The following GTF3C1 variants were observed in gnomAD, a reference collection of about 807,000 sequenced individuals.
GTF3C1 encodes the protein general transcription factor IIIC subunit 1.
A neutral mutation model predicts 226.7 loss-of-function variants in GTF3C1; 57 were observed. That is an observed-to-expected ratio of 0.25 (90% CI 0.20 to 0.31). The LOEUF is 0.31. Ranked by LOEUF, GTF3C1 falls within the 10% of genes least tolerant of loss-of-function variation. The probability of loss-of-function intolerance (pLI) is 1.00; values close to 1 mark genes in which losing one functional copy is unlikely to be tolerated. For missense variants in GTF3C1, 2,217 were observed against 2,776.1 expected (o/e 0.80, Z 4.53); for synonymous variants, 1,090 against 1,084.8 (o/e 1.00, Z -0.09).
At chr16:27,500,033 C>A (rs185759238) in intron 12 of GTF3C1, among the ~76,000 whole-genome samples, 2 of 152,326 alleles carry the variant, frequency 1.3e-5, no homozygotes, top group East Asian at 3.9e-4. Context: ...CCCATGCTTA[C>A]CCGCTGCCCC....
At chr16:27,464,066 GC>G (rs912992094) in intron 34 of GTF3C1, 9 of 440,862 alleles carry the variant, frequency 2.0e-5, no homozygotes, top group Non-Finnish European at 2.8e-5. Flanking sequence ...GCACACGCTG[GC>G]CCCACCGCCT....
chr16:27,465,324 C>T lies in GTF3C1; in HGVS notation c.5291G>A (p.Arg1764Lys), dbSNP rs549734764. 6.2e-7 allele frequency: 1 copy of T among 1,614,196 alleles called. No individual in the cohort carries two copies. The highest frequency in any genetic ancestry group is 1.7e-5 in the Admixed American group (1 of 60,026). ...TGCCTTCTCCAAGGCCGAGAACCGT[C>T]TGCGCAGCTCCTCCTTGTCAATCCC... ...CFGIDKEELR[R>K]RFSALEKAGG... is the part of the protein sequence containing the mutation. The change falls in exon 33 of 37, where the codon AGA becomes AAA. Residue 1764 changes from arginine (R) to lysine (K), a missense_variant. Transcript: ENST00000356183.
chr16:27,488,445 CAGGACGAGTGCTGCAA>C (rs775025197), intron 22 of GTF3C1, 30 bp from the exon 23 acceptor site: 156 of 1,585,312 alleles, frequency 9.8e-5, no homozygotes, highest in Non-Finnish European at 6.6e-5. Flanking sequence ...ACAACAGTTT[CAGGACGAGTGCTGCAA>C]AGGCCAGGAA....
chr16:27,474,552 G>A (rs780984075), intron 29 of GTF3C1, among the ~76,000 whole-genome samples: 2 of 152,132 alleles, frequency 1.3e-5, no homozygotes, highest in African/African-American at 2.4e-5. Context: ...TTGGACTCCT[G>A]TGTGCAATGT....
chr16:27,469,804 C>G lies in GTF3C1; in HGVS notation c.4815-254G>C, dbSNP rs2087840000. ...CTGTTCCTTTTGCCCGTCTCTCAGC[C>G]CAGAAAACACCCATTTCCCCAGGAA... On this transcript the variant is annotated intron_variant, in intron 31 of 36. Coordinates refer to ENST00000356183, the MANE Select transcript of GTF3C1 (RefSeq NM_001520.4). This position sits in a 1 kb window ranked among gnomAD's most constrained non-coding sequence, Gnocchi z 4.5. Among the ~76,000 whole-genome samples the G allele has an allele frequency of 6.6e-6, 1 of 152,140 alleles. No individual in the cohort carries two copies. Among genetic ancestry groups the G allele is most frequent in the African/African-American group, 2.4e-5 (1 of 41,432 alleles).
Position 27,485,985 on chromosome 16 carries a change from G to A in GTF3C1, c.3858+12C>T. The A allele has an allele frequency of 1.9e-6, 3 of 1,582,048 alleles. No individual in the cohort carries two copies. The highest frequency in any genetic ancestry group is 2.6e-6 in the Non-Finnish European group (3 of 1,159,002). ...AGGGGCAGGCCCACCGCTGGGCTGG[G>A]CTGGTTGGTACCTTGGTGTTGAGGA... On this transcript the variant is annotated intron_variant, in intron 24 of 36. Coordinates refer to ENST00000356183, the MANE Select transcript of GTF3C1 (RefSeq NM_001520.4).
At chr16:27,489,214 T>A (rs779312467) in intron 20 of GTF3C1, 36 bp from the exon 21 acceptor site, 10 of 1,609,510 alleles carry the variant, frequency 6.2e-6, no homozygotes, top group Non-Finnish European at 7.6e-6. Context: ...AGAGCCCTTC[T>A]TGGTCATCAC....
At position 27,507,129 on chromosome 16, in the gene GTF3C1, G is replaced by A. The variant is rs751361771; in HGVS notation, c.1270C>T (p.Arg424Ter). ...KGFMEDEGRQ[R>*]TTKYISCVFA... ...ACGCAGGAAATGTACTTGGTGGTTC[G>A]CTGCCGACCTTCGTCTTCCATGAAT... Residue 424 changes from arginine to a stop codon, truncating the protein, a stop_gained, in exon 9 of 37, where the codon CGA becomes TGA. Coordinates refer to ENST00000356183, the MANE Select transcript of GTF3C1 (RefSeq NM_001520.4). LOFTEE classifies it high-confidence loss of function. This position sits in a 1 kb window ranked among gnomAD's most constrained non-coding sequence, Gnocchi z 4.9. 1.9e-6 allele frequency: 3 copies of A among 1,608,492 alleles called. No individual in the cohort carries two copies. Among genetic ancestry groups the A allele is most frequent in the Admixed American group, 1.7e-5 (1 of 59,692 alleles).
intron 6 of GTF3C1, among the ~76,000 whole-genome samples, chr16:27,513,470 C>G (rs888130218): frequency 6.6e-6 from 1 of 151,966 alleles, no homozygotes; most frequent in Non-Finnish European, 1.5e-5. Flanking sequence ...AAACACTGAA[C>G]AACAACAACA....
At position 27,495,202 on chromosome 16, in the gene GTF3C1, G is replaced by T. The variant is rs1210599308; in HGVS notation, c.2632+9C>A. On this transcript the variant is annotated intron_variant, in intron 15 of 36. Transcript: ENST00000356183. ...CGCCCCAGGTGCAGGAGTGGCAGGGGCCTCTCACCTGTCTCCGTGGCAAGC... is the reference window on the plus strand; with the variant it reads ...CGCCCCAGGTGCAGGAGTGGCAGGGTCCTCTCACCTGTCTCCGTGGCAAGC... 2 of 1,599,684 alleles carry T rather than the reference G, an allele frequency of 1.3e-6. No individual in the cohort carries two copies. Among genetic ancestry groups the T allele is most frequent in the South Asian group, 1.1e-5 (1 of 90,820 alleles).
intron 24 of GTF3C1, among the ~76,000 whole-genome samples, chr16:27,485,108 G>A (rs770365833): frequency 3.3e-5 from 5 of 152,254 alleles, no homozygotes; most frequent in Non-Finnish European, 7.3e-5. Flanking sequence ...TGGAAAAGAG[G>A]TTGGGATGGA....
Position 27,469,413 on chromosome 16 carries a change from T to C in GTF3C1, c.4952A>G (p.Tyr1651Cys), listed in dbSNP as rs910277794. Residue 1651 changes from tyrosine to cysteine, a missense_variant, in exon 32 of 37, where the codon TAC becomes TGC. Coordinates refer to ENST00000356183, the MANE Select transcript of GTF3C1 (RefSeq NM_001520.4). The surrounding 1 kb of genome is among the most constrained non-coding windows in gnomAD (Gnocchi z 4.5). Reference protein sequence around the residue: ...SHTNYLLMRGYYSPGIVSTRN... With the variant: ...SHTNYLLMRGCYSPGIVSTRN... ...GGTGCTGACGATGCCGGGGGAGTAG[T>C]AGCCCCTCATCAGCAGGTAGTTGGT... The C allele has an allele frequency of 2.0e-5, 32 of 1,613,956 alleles. No individual in the cohort carries two copies. The highest frequency in any genetic ancestry group is 2.5e-5 in the Non-Finnish European group (30 of 1,179,976).
intron 10 of GTF3C1, among the ~76,000 whole-genome samples, chr16:27,503,231 G>T (rs1480393319): frequency 6.6e-6 from 1 of 152,162 alleles, no homozygotes; most frequent in Admixed American, 6.5e-5. Context: ...AGGATCAGCT[G>T]GTTTCAGGAC....
In GTF3C1 at chr16:27,473,961, TG is replaced by T. The variant is rs146579057; in HGVS notation, c.4354-2042del. On this transcript the variant is annotated intron_variant, in intron 29 of 36. Coordinates refer to ENST00000356183, the MANE Select transcript of GTF3C1 (RefSeq NM_001520.4). ...CTTCCATTTGAATATAACTAGCGAATGGGTGTATTCCCACATAACAGGATAG... is the reference window on the plus strand; with the variant it reads ...CTTCCATTTGAATATAACTAGCGAATGGTGTATTCCCACATAACAGGATAG... 9.8e-5 allele frequency among the ~76,000 whole-genome samples: 15 copies of T among 152,320 alleles called. No homozygotes were observed. The East Asian group carries it at 2.9e-3, about 29-fold the overall frequency.
At position 27,463,531 on chromosome 16, in the gene GTF3C1, CCA is replaced by C; in HGVS notation, c.5924+8_5924+9del. The C allele has an allele frequency of 6.4e-7, 1 of 1,557,628 alleles. No individual in the cohort carries two copies. The highest frequency in any genetic ancestry group is 8.9e-7 in the Non-Finnish European group (1 of 1,128,316). On this transcript the variant is annotated splice_region_variant and intron_variant, in intron 35 of 36. Transcript: ENST00000356183. This position sits in a 1 kb window ranked among gnomAD's most constrained non-coding sequence, Gnocchi z 4.9. ...CGCCCCAGGCCCCGGAGCCAGAACC[CCA>C]CACCCACCTTTCCCGTGCTGCCTGG... is the stretch of plus-strand genomic sequence containing the variant.
chr16:27,501,163 T>C (rs752534767), intron 12 of GTF3C1, 28 bp downstream of exon 12: 1 of 1,590,522 alleles, frequency 6.3e-7, no homozygotes, highest in African/African-American at 1.3e-5. Context: ...CGAGGCTGGC[T>C]CTGGGCATCG....
intron 7 of GTF3C1, among the ~76,000 whole-genome samples, chr16:27,509,854 AGG>A (rs1190296057): frequency 6.6e-6 from 1 of 152,108 alleles, no homozygotes; most frequent in East Asian, 1.9e-4. Context: ...TGAATAAAGG[AGG>A]TTTTGCTATG....
At chr16:27,539,716 G>A (rs1232385853) in intron 2 of GTF3C1, among the ~76,000 whole-genome samples, 3 of 152,184 alleles carry the variant, frequency 2.0e-5, no homozygotes, top group African/African-American at 4.8e-5. Context: ...ATCTTTAAGA[G>A]GTGATTAGGC....
In GTF3C1 at chr16:27,464,759, A is replaced by AGGCCAGGCAGAGCCCATGGC. The variant is rs754747703; in HGVS notation, c.5413_5432dup (p.Trp1812ProfsTer15). 6.3e-7 allele frequency: 1 copy of AGGCCAGGCAGAGCCCATGGC among 1,574,864 alleles called. No homozygotes were observed. The highest frequency in any genetic ancestry group is 8.5e-7 in the Non-Finnish European group (1 of 1,171,730). On this transcript the variant is annotated frameshift_variant, in exon 34 of 37. Coordinates refer to ENST00000356183, the MANE Select transcript of GTF3C1 (RefSeq NM_001520.4). LOFTEE classifies it high-confidence loss of function. Reference sequence around the variant, plus strand: ...TCAGCCGCACGGAGTGCAGGAGCCAAGGCCAGGCAGAGCCCATGGCTACCA... The same window carrying AGGCCAGGCAGAGCCCATGGC: ...TCAGCCGCACGGAGTGCAGGAGCCAAGGCCAGGCAGAGCCCATGGCGGCCAGGCAGAGCCCATGGCTACCA...
Sources: allele counts gnomAD v4.1 joint callset (sites outside exome capture counted in the v4.1 genomes callset), GRCh38; gene constraint gnomAD v4.1.1; non-coding constraint Gnocchi (gnomAD v3.1); transcripts MANE v1.5; gene names NCBI Gene and HGNC (gene_info 2026-07-23, HGNC 2026-07-21).